ZNF362: variants seen among roughly 807,000 people sequenced by gnomAD.
ZNF362 encodes rotund homolog.
Under a neutral mutation model 42.9 loss-of-function variants are expected in ZNF362, and 11 were observed. That is an observed-to-expected ratio of 0.26 (90% confidence interval 0.16 to 0.42). The LOEUF is 0.42. Ranked by LOEUF, ZNF362 falls within the 20% of genes least tolerant of loss-of-function variation. ZNF362 has a pLI of 1.00. For synonymous variants in ZNF362, 255 were observed against 257.3 expected, an observed-to-expected ratio of 0.99 and a Z score of 0.09; for missense variants, 362 against 576.2, an observed-to-expected ratio of 0.63 and a Z score of 3.81.
At chr1:33,234,523 C>T in the ZNF362 span, among the ~76,000 whole-genome samples, 2 of 152,144 alleles carry the variant, frequency 1.3e-5, no homozygotes, top group African/African-American at 4.8e-5. Flanking sequence ...GACCAGATCC[C>T]CCGACCATCC....
At chr1:33,181,721 A>G in the ZNF362 span, 1 of 438,860 alleles carries the variant, frequency 2.3e-6, no homozygotes, top group Non-Finnish European at 4.1e-6. The surrounding 1 kb of genome is among the most constrained non-coding windows in gnomAD (Gnocchi z 6.5). Flanking sequence ...AGGGACGGAG[A>G]TCCTGACGGG....
chr1:33,226,791 G>T, the ZNF362 span, among the ~76,000 whole-genome samples: 1 of 152,184 alleles, frequency 6.6e-6, no homozygotes, highest in Non-Finnish European at 1.5e-5. Context: ...CTTGAACCCG[G>T]GAGGCAGAGG....
At position 33,286,092 on chromosome 1, in the gene ZNF362, AAAG is replaced by A. The variant is rs1273554683; in HGVS notation, c.908+4287_908+4289del. ...AACAAAAAAACAAAAAACAACAAAA[AAAG>A]AAGAATACAAAACCCAATCATTGTA... On this transcript the variant is annotated intron_variant, in intron 6 of 8. Coordinates refer to ENST00000539719, the MANE Select transcript of ZNF362 (RefSeq NM_152493.3). Among the ~76,000 whole-genome samples, 13 of 152,300 alleles carry A rather than the reference AAAG, an allele frequency of 8.5e-5. No homozygotes were observed. The East Asian group carries it at 9.6e-4, about 11-fold the overall frequency.
upstream of ZNF362, among the ~76,000 whole-genome samples, chr1:33,256,096 G>T (rs982535021): frequency 4.0e-5 from 6 of 151,428 alleles, no homozygotes; most frequent in East Asian, 1.9e-4. Flanking sequence ...GCGGGCGGAG[G>T]GGGGCGAGGA....
the ZNF362 span, among the ~76,000 whole-genome samples, chr1:33,173,709 T>A: frequency 3.3e-5 from 5 of 151,876 alleles, no homozygotes; most frequent in East Asian, 3.9e-4. Flanking sequence ...TTAAAAAAAA[T>A]TTTTTTAGAG....
At chr1:33,233,406 CTT>C in the ZNF362 span, among the ~76,000 whole-genome samples, 23 of 144,428 alleles carry the variant, frequency 1.6e-4, no homozygotes, top group Admixed American at 1.4e-4. Flanking sequence ...CCTTCTCACA[CTT>C]TTTTTTTTTT....
At chr1:33,147,171 C>T in the ZNF362 span, 1 of 1,612,130 alleles carries the variant, frequency 6.2e-7, no homozygotes, top group South Asian at 1.1e-5. This position sits in a 1 kb window ranked among gnomAD's most constrained non-coding sequence, Gnocchi z 8.1. Flanking sequence ...TCTCCTTCTG[C>T]CTGGACTAGA....
chr1:33,165,220 GC>G, the ZNF362 span: 1 of 385,196 alleles, frequency 2.6e-6, no homozygotes, highest in African/African-American at 2.1e-5. The surrounding 1 kb of genome is among the most constrained non-coding windows in gnomAD (Gnocchi z 4.0). Context: ...GGGAGAAATG[GC>G]CCCGTCCTTA....
the ZNF362 span, among the ~76,000 whole-genome samples, chr1:33,178,846 A>G: frequency 2.6e-5 from 4 of 152,302 alleles, no homozygotes; most frequent in South Asian, 4.1e-4. Context: ...TACATGTTCA[A>G]TTTCTCCTGT....
chr1:33,196,521 T>C, the ZNF362 span, among the ~76,000 whole-genome samples: 1 of 152,132 alleles, frequency 6.6e-6, no homozygotes, highest in African/African-American at 2.4e-5. Flanking sequence ...TTATCAGGGG[T>C]AATAACATGC....
chr1:33,182,862 A>G, the ZNF362 span, among the ~76,000 whole-genome samples: 2 of 152,084 alleles, frequency 1.3e-5, no homozygotes, highest in Non-Finnish European at 2.9e-5. Flanking sequence ...ATTGTGGGTC[A>G]TGGTAAAGAA....
chr1:33,193,232 CA>C, the ZNF362 span, among the ~76,000 whole-genome samples: 2 of 152,146 alleles, frequency 1.3e-5, no homozygotes, highest in Non-Finnish European at 2.9e-5. Flanking sequence ...ATTGTAATCA[CA>C]ATCTGCATTA....
the ZNF362 span, among the ~76,000 whole-genome samples, chr1:33,187,025 A>G: frequency 6.6e-6 from 1 of 151,960 alleles, no homozygotes; most frequent in African/African-American, 2.4e-5. Flanking sequence ...AGGGTGCACT[A>G]TTATCACAAA....
At chr1:33,236,305 G>A in the ZNF362 span, among the ~76,000 whole-genome samples, 2 of 151,332 alleles carry the variant, frequency 1.3e-5, no homozygotes, top group African/African-American at 4.9e-5. Flanking sequence ...TACTTTGGGA[G>A]GCTTTGGGAA....
Position 33,276,480 on chromosome 1 carries a change from A to C in ZNF362, c.235A>C (p.Ser79Arg), listed in dbSNP as rs770910141. The change falls in exon 4 of 9, where the codon AGC becomes CGC. Residue 79 changes from serine to arginine, a missense_variant. Physicochemically the swap from Ser to Arg is moderately radical, Grantham distance 110 (BLOSUM62 -1). Coordinates refer to ENST00000539719, the MANE Select transcript of ZNF362 (RefSeq NM_152493.3). ...LLVPPAPAESSQAVMSLPKLQ... is the reference protein window; with the variant it reads ...LLVPPAPAESRQAVMSLPKLQ... ...AGTGCCGCCGGCACCCGCCGAGAGC[A>C]GCCAGGCCGTCATGTCGCTGCCCAA... 4 of 1,590,242 alleles carry C rather than the reference A, an allele frequency of 2.5e-6. No individual in the cohort carries two copies. In the South Asian group the frequency reaches 4.5e-5, roughly 18 times the overall value.
chr1:33,256,994 A>G (rs1048220556), intron 1 of ZNF362, among the ~76,000 whole-genome samples: 12 of 152,164 alleles, frequency 7.9e-5, no homozygotes, highest in Middle Eastern at 3.4e-3. Context: ...CCGGTAAACA[A>G]TGATTCATGG....
At chr1:33,240,115 T>G in the ZNF362 span, among the ~76,000 whole-genome samples, 17 of 152,174 alleles carry the variant, frequency 1.1e-4, no homozygotes, top group African/African-American at 4.1e-4. Context: ...AGTGTGGTCT[T>G]AGAGTATCTC....
rs989806924 is a variant in ZNF362, at chr1:33,281,217, T to G, written c.684-370T>G. Reference sequence around the variant, plus strand: ...AGGGTGGGGCAGGCGTTGGTATTTCTTAGACGCTCCCCAGATGATTCTAAT... The same window carrying G: ...AGGGTGGGGCAGGCGTTGGTATTTCGTAGACGCTCCCCAGATGATTCTAAT... On this transcript the variant is annotated intron_variant, in intron 5 of 8. Coordinates refer to ENST00000539719, the MANE Select transcript of ZNF362 (RefSeq NM_152493.3). This position sits in a 1 kb window ranked among gnomAD's most constrained non-coding sequence, Gnocchi z 4.8. Among the ~76,000 whole-genome samples, 7 of 152,188 alleles carry G rather than the reference T, an allele frequency of 4.6e-5. No homozygotes were observed. Among genetic ancestry groups the G allele is most frequent in the African/African-American group, 1.4e-4 (6 of 41,432 alleles).
the ZNF362 span, chr1:33,159,537 C>G: frequency 8.4e-7 from 1 of 1,185,300 alleles, no homozygotes. This position sits in a 1 kb window ranked among gnomAD's most constrained non-coding sequence, Gnocchi z 4.2. Flanking sequence ...GCTTCATGCT[C>G]CTACCCATAG....
Sources: gnomAD v4.1 joint callset for allele counts (sites outside exome capture counted in the v4.1 genomes callset) on GRCh38, gnomAD v4.1.1 for gene constraint, Gnocchi (gnomAD v3.1) non-coding constraint, MANE v1.5 for transcripts, NCBI Gene and HGNC (gene_info 2026-07-23, HGNC 2026-07-21) for gene names.